Variants in EXOC6 observed in about 807,000 individuals in gnomAD.
The protein encoded by EXOC6 is SEC15-like 1.
In EXOC6, 60 loss-of-function variants were observed where a neutral mutation model predicts 112.5. The ratio of observed to expected loss-of-function variants is 0.53; its 90% CI spans 0.43 to 0.66. The LOEUF is 0.66. Among genes scored for constraint, EXOC6 ranks in the 30% least tolerant of loss-of-function variants. The probability of loss-of-function intolerance (pLI) is 0.00; values close to 1 mark genes in which losing one functional copy is unlikely to be tolerated. For missense variants in EXOC6, 855 were observed against 957.1 expected (o/e 0.89, Z 1.41); for synonymous variants, 295 against 308.0 (o/e 0.96, Z 0.44).
intron 8 of EXOC6, 34 bp from the exon 9 acceptor site, chr10:92,928,305 T>C (rs756738336): frequency 8.1e-7 from 1 of 1,230,518 alleles, no homozygotes; most frequent in South Asian, 1.2e-5. Flanking sequence ...TGTGTGTATG[T>C]GTATTTTTCA....
intron 19 of EXOC6, among the ~76,000 whole-genome samples, chr10:93,001,102 G>T (rs745572202): frequency 2.6e-5 from 4 of 152,166 alleles, no homozygotes; most frequent in South Asian, 2.1e-4. Context: ...AGGGAGGCAA[G>T]AAGAAAAATC....
At position 92,862,455 on chromosome 10, in the gene EXOC6, T is replaced by TGA. The variant is rs369208460; in HGVS notation, c.101+13836_101+13837dup. Among the ~76,000 whole-genome samples, 768 of 151,302 alleles carry TGA rather than the reference T, an allele frequency of 5.1e-3. 6 individuals carry two copies. The highest frequency in any genetic ancestry group is 0.015 in the African/African-American group (623 of 41,276). ...ATGAATGGGACCGGTAGTAGTCTTA[T>TGA]GAGAGAGAGAGAGAGATCCTGAGAG... On this transcript the variant is annotated intron_variant, in intron 1 of 21. Coordinates refer to ENST00000260762, the MANE Select transcript of EXOC6 (RefSeq NM_019053.6).
rs576078316 is a variant in EXOC6, at chr10:93,029,938, C to T, written c.2169+15671C>T. Among the ~76,000 whole-genome samples the T allele has an allele frequency of 1.2e-4, 18 of 144,532 alleles. No individual in the cohort carries two copies. In the South Asian group the frequency reaches 3.7e-3, roughly 30 times the overall value. 94.8% of individuals were successfully genotyped at this position (144,532 alleles called of 152,430 possible). On this transcript the variant is annotated intron_variant, in intron 20 of 21. Transcript: ENST00000260762. ...TTTTTTTTTTTTTGAGATGGAGTTT[C>T]GCTCTTGTTGCCCAGGCTGGAGCGC... is the stretch of plus-strand genomic sequence containing the variant.
chr10:93,039,985 T>G (rs1367183739), intron 20 of EXOC6, among the ~76,000 whole-genome samples: 1 of 152,222 alleles, frequency 6.6e-6, no homozygotes. Flanking sequence ...TCCTCATTTC[T>G]ATTTGTAGAC....
chr10:92,917,417 C>T (rs527636169), intron 7 of EXOC6, among the ~76,000 whole-genome samples: 7 of 119,522 alleles, frequency 5.9e-5, no homozygotes, highest in Admixed American at 9.1e-5. Flanking sequence ...TATGATTAGT[C>T]TTTTAATGGA....
chr10:92,975,109 C>G (rs1229436069), intron 18 of EXOC6, among the ~76,000 whole-genome samples: 1 of 151,446 alleles, frequency 6.6e-6, no homozygotes, highest in African/African-American at 2.4e-5. Flanking sequence ...ACCATCCCAT[C>G]TAGGAAGTGA....
intron 1 of EXOC6, among the ~76,000 whole-genome samples, chr10:92,882,456 A>G (rs925178906): frequency 1.3e-5 from 2 of 149,262 alleles, no homozygotes; most frequent in African/African-American, 4.9e-5. Flanking sequence ...AGGCAGGAGA[A>G]TTGCTTGAAC....
chr10:92,915,066 T>A (rs1851005586), intron 6 of EXOC6, among the ~76,000 whole-genome samples: 1 of 152,190 alleles, frequency 6.6e-6, no homozygotes, highest in Non-Finnish European at 1.5e-5. Flanking sequence ...TCACAAACTG[T>A]GGGCATTTTC....
At chr10:92,899,936 G>A (rs1396859775) in intron 5 of EXOC6, 4 of 277,276 alleles carry the variant, frequency 1.4e-5, no homozygotes, top group Non-Finnish European at 2.7e-5. Flanking sequence ...AATATTGCAT[G>A]TAACTAAGGG....
intron 18 of EXOC6, among the ~76,000 whole-genome samples, chr10:92,979,532 T>C (rs1257599893): frequency 1.3e-5 from 2 of 152,202 alleles, no homozygotes; most frequent in Non-Finnish European, 2.9e-5. Context: ...TTTTCACATA[T>C]TGTGGTAGCA....
chr10:92,959,157 A>G (rs574399725), intron 17 of EXOC6, among the ~76,000 whole-genome samples: 5 of 152,194 alleles, frequency 3.3e-5, no homozygotes, highest in East Asian at 3.8e-4. Flanking sequence ...CAACAGACAA[A>G]TAGATTAATG....
chr10:93,056,346 A>ATC (rs1846535725), intron 20 of EXOC6, among the ~76,000 whole-genome samples: 1 of 152,188 alleles, frequency 6.6e-6, no homozygotes, highest in African/African-American at 2.4e-5. Flanking sequence ...TAACAGGCTG[A>ATC]ATCCTGAAGC....
At chr10:93,028,494 GT>G (rs534636347) in intron 20 of EXOC6, among the ~76,000 whole-genome samples, 1 of 151,982 alleles carries the variant, frequency 6.6e-6, no homozygotes, top group Non-Finnish European at 1.5e-5. Flanking sequence ...CAGGGAAAGT[GT>G]TTTTTTGAGA....
intron 12 of EXOC6, among the ~76,000 whole-genome samples, chr10:92,939,869 G>A (rs1852559643): frequency 6.6e-6 from 1 of 152,118 alleles, no homozygotes; most frequent in Non-Finnish European, 1.5e-5. Context: ...TTAGGAGATA[G>A]TCTGTGACAT....
intron 20 of EXOC6, among the ~76,000 whole-genome samples, chr10:93,051,750 C>G (rs187093534): frequency 6.6e-6 from 1 of 152,286 alleles, no homozygotes; most frequent in African/African-American, 2.4e-5. Flanking sequence ...GCAAATTACT[C>G]AGGATTTGTT....
chr10:92,911,428 T>G (rs182107074), intron 6 of EXOC6, among the ~76,000 whole-genome samples: 10 of 152,350 alleles, frequency 6.6e-5, no homozygotes, highest in Admixed American at 6.5e-4. Flanking sequence ...TGGTAAATTT[T>G]TTCAGTATGA....
At chr10:92,971,919 A>G (rs143853215) in intron 17 of EXOC6, among the ~76,000 whole-genome samples, 2,202 of 152,274 alleles carry the variant, frequency 0.014, 40 homozygotes, top group African/African-American at 0.049. Flanking sequence ...CAACTTTGGA[A>G]GTTCTCACCT....
rs1350013477 is a variant in EXOC6 at position 92,848,626 on chromosome 10, C to G, written c.93C>G (p.Pro31=). 15 of 1,430,256 alleles carry G rather than the reference C, an allele frequency of 1.0e-5. No homozygotes were observed. The highest frequency in any genetic ancestry group is 1.4e-5 in the Non-Finnish European group (15 of 1,073,846). 88.6% of individuals were successfully genotyped at this position (1,430,256 alleles called of 1,614,324 possible). A position where few individuals can be genotyped will look rare whatever the true frequency, so the allele number is the denominator to read the frequency against. The change falls in exon 1 of 22, where the codon CCC becomes CCG. Residue 31 remains proline (P), a synonymous_variant. Coordinates refer to ENST00000260762, the MANE Select transcript of EXOC6 (RefSeq NM_019053.6). ...IESTDTACVG[P]TLRSVYDDQP... is the part of the protein sequence containing the mutation. The stretch of plus-strand genomic sequence containing the variant: ...GCACCGACACCGCCTGTGTGGGGCC[C>G]ACCCTCCGGTAAAGATCTCATCCCA...
chr10:92,982,037 A>G (rs1159248369), intron 18 of EXOC6, among the ~76,000 whole-genome samples: 2 of 152,074 alleles, frequency 1.3e-5, no homozygotes, highest in Non-Finnish European at 2.9e-5. Context: ...AATCACTTGA[A>G]CCCGGGAGGC....
Sources: allele counts gnomAD v4.1 joint callset (sites outside exome capture counted in the v4.1 genomes callset), GRCh38; gene constraint gnomAD v4.1.1; transcripts MANE v1.5; gene names NCBI Gene and HGNC (gene_info 2026-07-23, HGNC 2026-07-21).